Variants in OSBPL5 observed in about 807,000 individuals in gnomAD.
OSBPL5 encodes oxysterol binding protein like 5.
In OSBPL5, 71 loss-of-function variants were observed where a neutral mutation model predicts 111.2. The observed-to-expected ratio is 0.64, with a 90% CI of 0.53 to 0.78. OSBPL5 has a LOEUF of 0.78. Ranked by LOEUF, OSBPL5 falls within the 30% of genes least tolerant of loss-of-function variation. The pLI is 0.00. For missense variants in OSBPL5, 1,210 were observed against 1,189.3 expected (o/e 1.02, Z -0.26); for synonymous variants, 549 against 513.9 (o/e 1.07, Z -0.93).
intron 1 of OSBPL5, among the ~76,000 whole-genome samples, chr11:3,158,883 G>C (rs1461167760): frequency 6.6e-6 from 1 of 152,232 alleles, no homozygotes; most frequent in East Asian, 1.9e-4. Flanking sequence ...GGATGTCCAA[G>C]TTCCCTTCTC....
intron 2 of OSBPL5, among the ~76,000 whole-genome samples, chr11:3,128,243 A>G (rs964975705): frequency 1.1e-4 from 16 of 152,160 alleles, no homozygotes; most frequent in African/African-American, 3.9e-4. Context: ...TGAGATGACC[A>G]TGGCCAGGCA....
chr11:3,091,865 C>T (rs1354140579), intron 19 of OSBPL5, among the ~76,000 whole-genome samples: 4 of 152,158 alleles, frequency 2.6e-5, no homozygotes, highest in South Asian at 2.1e-4. Context: ...GAGCACCGGC[C>T]GCGCTCTGCA....
chr11:3,113,406 C>T lies in OSBPL5; in HGVS notation c.692-5461G>A, dbSNP rs1299403878. Among the ~76,000 whole-genome samples, 1 of 152,160 alleles carries T rather than the reference C, an allele frequency of 6.6e-6. No individual in the cohort carries two copies. Among genetic ancestry groups the T allele is most frequent in the East Asian group, 1.9e-4 (1 of 5,196 alleles). On this transcript the variant is annotated intron_variant, in intron 7 of 21. Transcript: ENST00000263650. This position sits in a 1 kb window ranked among gnomAD's most constrained non-coding sequence, Gnocchi z 4.8. ...TAATCTTTAATAATGCCTGTAATCT[C>T]AGCACTTTGGGAGGCTGAGGTGGGT...
At position 3,104,260 on chromosome 11, in the gene OSBPL5, C is replaced by T. The variant is rs573910214; in HGVS notation, c.1177G>A (p.Val393Ile). Residue 393 changes from valine (V) to isoleucine (I), a missense_variant, in exon 10 of 22, where the codon GTA (valine) becomes ATA (isoleucine). By Grantham distance (29) the Val-to-Ile change is conservative (BLOSUM62 3). Coordinates refer to ENST00000263650, the MANE Select transcript of OSBPL5 (RefSeq NM_020896.4). The surrounding 1 kb of genome is among the most constrained non-coding windows in gnomAD (Gnocchi z 5.0). Reference protein sequence around the residue: ...DLSRVVLPTFVLEPRSFLNKL... With the variant: ...DLSRVVLPTFILEPRSFLNKL... ...TTCAGGAAGGAGCGCGGCTCCAGTA[C>T]GAACGTGGGTAGCACCACGCGGGAC... The T allele has an allele frequency of 1.1e-5, 17 of 1,613,618 alleles. No homozygotes were observed. The highest frequency in any genetic ancestry group is 4.5e-5 in the East Asian group (2 of 44,892).
intron 7 of OSBPL5, among the ~76,000 whole-genome samples, chr11:3,112,112 CATGTGTGTGT>C (rs1564837915): frequency 1.3e-4 from 19 of 147,732 alleles, no homozygotes; most frequent in African/African-American, 2.8e-4. Context: ...TGTGTGTGTG[CATGTGTGTGT>C]GTGCGCATAT....
chr11:3,122,117 C>T lies in OSBPL5; in HGVS notation c.301-19G>A, dbSNP rs148957926. The T allele has an allele frequency of 6.0e-4, 933 of 1,547,168 alleles. 5 individuals are homozygous for T. The African/African-American group carries it at 0.011, about 18-fold the overall frequency. Reference sequence around the variant, plus strand: ...TCTGCGCCTGGGCCCGGGGCACCCGCGGTGGGTCATGGGAGAAGGCACCGA... The same window carrying T: ...TCTGCGCCTGGGCCCGGGGCACCCGTGGTGGGTCATGGGAGAAGGCACCGA... On this transcript the variant is annotated intron_variant, in intron 4 of 21. Coordinates refer to ENST00000263650, the MANE Select transcript of OSBPL5 (RefSeq NM_020896.4).
intron 1 of OSBPL5, among the ~76,000 whole-genome samples, chr11:3,152,983 C>A (rs898459403): frequency 1.3e-5 from 2 of 152,012 alleles, no homozygotes; most frequent in South Asian, 2.1e-4. Flanking sequence ...CAGCAGTGGG[C>A]GGGAATGAGC....
chr11:3,093,623 C>T lies in OSBPL5; in HGVS notation c.1850G>A (p.Ser617Asn). 4 of 1,613,138 alleles carry T rather than the reference C, an allele frequency of 2.5e-6. No individual in the cohort carries two copies. Among genetic ancestry groups the T allele is most frequent in the Non-Finnish European group, 3.4e-6 (4 of 1,179,980 alleles). ...VFIKEEGSGS[S>N]ALFWTPSGEV... ...CCCGCTCGGGGTCCAGAAAAGCGCA[C>T]TGCTTCCGCTCCCTTCCTCCTTGAT... Residue 617 changes from serine (S) to asparagine (N), a missense_variant, in exon 17 of 22, where the codon AGT (serine) becomes AAT (asparagine). Physicochemically the swap from Ser to Asn is conservative, Grantham distance 46 (BLOSUM62 1). Transcript: ENST00000263650.
intron 7 of OSBPL5, among the ~76,000 whole-genome samples, chr11:3,116,945 G>A (rs1391831795): frequency 6.6e-6 from 1 of 151,200 alleles, no homozygotes; most frequent in Non-Finnish European, 1.5e-5. Flanking sequence ...TCAGAGTCAA[G>A]AAAACTTTAA....
Position 3,165,083 on chromosome 11 carries a change from G to C in OSBPL5, c.-22+133C>G, listed in dbSNP as rs560338165. On this transcript the variant is annotated intron_variant, in intron 1 of 21. Transcript: ENST00000263650. This position sits in a 1 kb window ranked among gnomAD's most constrained non-coding sequence, Gnocchi z 7.4. ...CAGGGTCCGCGGGGCTGCGGCGCGA[G>C]CTCCTGGATCCCTTCGGCCGGCCCC... 0.015 allele frequency: 2,334 copies of C among 150,870 alleles called. 21 individuals are homozygous for C. Among genetic ancestry groups the C allele is most frequent in the Non-Finnish European group, 0.021 (1,430 of 67,486 alleles). The allele number at this position is 150,870 out of a possible 1,614,324, so 9.3% of individuals were successfully genotyped here.
In OSBPL5 at chr11:3,111,736, A is replaced by G. The variant is rs564642326; in HGVS notation, c.692-3791T>C. On this transcript the variant is annotated intron_variant, in intron 7 of 21. Coordinates refer to ENST00000263650, the MANE Select transcript of OSBPL5 (RefSeq NM_020896.4). The stretch of plus-strand genomic sequence containing the variant: ...AGAAAAACGGCCAGCAAAAGGAAAA[A>G]AAAAAGAGGAAAGATTTTGATTTTG... 7.2e-5 allele frequency among the ~76,000 whole-genome samples: 11 copies of G among 152,156 alleles called. No individual in the cohort carries two copies. The East Asian group carries it at 2.1e-3, about 29-fold the overall frequency.
rs1474612916 is a variant in OSBPL5, at chr11:3,109,259, T to C, written c.692-1314A>G. On this transcript the variant is annotated intron_variant, in intron 7 of 21. Coordinates refer to ENST00000263650, the MANE Select transcript of OSBPL5 (RefSeq NM_020896.4). The surrounding 1 kb of genome is among the most constrained non-coding windows in gnomAD (Gnocchi z 7.4). ...CCTGCCTGTAATTTTTTTGTATTTT[T>C]AGTAGAGATGGGGTTTCACCATGTT... Among the ~76,000 whole-genome samples the C allele has an allele frequency of 6.6e-6, 1 of 151,384 alleles. No homozygotes were observed. The highest frequency in any genetic ancestry group is 1.5e-5 in the Non-Finnish European group (1 of 67,886).
Position 3,093,767 on chromosome 11 carries a change from C to A in OSBPL5, c.1788G>T (p.Leu596=), listed in dbSNP as rs149852611. ...TTACCCAGTGGCCACTGAGGCTCGC[C>A]AGGACTTCCTCTCCCGACGTGATCT... ...SGKITSGEEV[L]ASLSGHWDRD... The change falls in exon 16 of 22, where the codon CTG becomes CTT. Residue 596 remains leucine, a synonymous_variant. Coordinates refer to ENST00000263650, the MANE Select transcript of OSBPL5 (RefSeq NM_020896.4). 7.4e-5 allele frequency: 120 copies of A among 1,613,064 alleles called. No homozygotes were observed. Among genetic ancestry groups the A allele is most frequent in the Non-Finnish European group, 9.9e-5 (117 of 1,180,008 alleles).
chr11:3,155,949 G>A (rs1365759083), intron 1 of OSBPL5, among the ~76,000 whole-genome samples: 1 of 152,258 alleles, frequency 6.6e-6, no homozygotes, highest in African/African-American at 2.4e-5. Flanking sequence ...TCAAGCCTGT[G>A]TTTCTGGTTT....
At position 3,113,337 on chromosome 11, in the gene OSBPL5, C is replaced by T. The variant is rs534134031; in HGVS notation, c.692-5392G>A. On this transcript the variant is annotated intron_variant, in intron 7 of 21. Transcript: ENST00000263650. This position sits in a 1 kb window ranked among gnomAD's most constrained non-coding sequence, Gnocchi z 4.8. ...GTGTCAAAATTTGGCATAGGAGTTA[C>T]GAAACTATAAACCCAGCCCAAGACA... Among the ~76,000 whole-genome samples the T allele has an allele frequency of 3.3e-5, 5 of 151,966 alleles. No homozygotes were observed. The highest frequency in any genetic ancestry group is 4.2e-4 in the South Asian group (2 of 4,814).
At chr11:3,101,551 G>C (rs371872013) in intron 13 of OSBPL5, 52 bp downstream of exon 13, 3 of 1,530,766 alleles carry the variant, frequency 2.0e-6, no homozygotes, top group East Asian at 2.3e-5. Context: ...GAGTCCTCCC[G>C]ACCATCGCAT....
rs377037825 is a variant in OSBPL5, at chr11:3,121,143, T to C, written c.403-519A>G. ...TGCTATCTTGGCTCGCTGCAAACTCTGCCTCCCAGGTTCAAGCGATTCTCC... is the reference window on the plus strand; with the variant it reads ...TGCTATCTTGGCTCGCTGCAAACTCCGCCTCCCAGGTTCAAGCGATTCTCC... On this transcript the variant is annotated intron_variant, in intron 5 of 21. Coordinates refer to ENST00000263650, the MANE Select transcript of OSBPL5 (RefSeq NM_020896.4). This position sits in a 1 kb window ranked among gnomAD's most constrained non-coding sequence, Gnocchi z 4.3. 3.7e-4 allele frequency among the ~76,000 whole-genome samples: 55 copies of C among 150,030 alleles called. 2 individuals are homozygous for C. In the East Asian group the frequency reaches 9.1e-3, roughly 25 times the overall value.
chr11:3,160,572 G>T (rs1442140710), intron 1 of OSBPL5, among the ~76,000 whole-genome samples: 1 of 152,190 alleles, frequency 6.6e-6, no homozygotes, highest in East Asian at 1.9e-4. Flanking sequence ...GAGAAATCCC[G>T]CTGGCTGCCA....
At chr11:3,112,075 A>ATGTGTGTATGTGTGTGTGCATG (rs1858001071) in intron 7 of OSBPL5, among the ~76,000 whole-genome samples, 2 of 137,002 alleles carry the variant, frequency 1.5e-5, no homozygotes, top group Non-Finnish European at 3.0e-5. Flanking sequence ...GTGTGTGTGC[A>ATGTGTGTATGTGTGTGTGCATG]TGTGTGTGTG....
Sources: allele counts gnomAD v4.1 joint callset (sites outside exome capture counted in the v4.1 genomes callset), GRCh38; gene constraint gnomAD v4.1.1; non-coding constraint Gnocchi (gnomAD v3.1); transcripts MANE v1.5; gene names NCBI Gene and HGNC (gene_info 2026-07-23, HGNC 2026-07-21).